Variants in SYNPR observed in about 807,000 individuals in gnomAD.
SYNPR encodes the protein synaptoporin.
SYNPR carries 23 observed loss-of-function variants against 32.9 expected under a neutral mutation model. The observed-to-expected ratio is 0.70, with a 90% CI of 0.50 to 0.99. SYNPR has a LOEUF of 0.99. SYNPR is among the 50% of genes least tolerant of loss of function. The pLI, the probability that SYNPR is intolerant of heterozygous loss-of-function variation, is 0.00. For synonymous variants in SYNPR, 146 were observed against 135.9 expected, an observed-to-expected ratio of 1.07 and a Z score of -0.52; for missense variants, 318 against 349.3, an observed-to-expected ratio of 0.91 and a Z score of 0.71.
chr3:63,321,575 C>T (rs1328484721), intron 2 of SYNPR, among the ~76,000 whole-genome samples: 1 of 152,042 alleles, frequency 6.6e-6, no homozygotes, highest in Admixed American at 6.6e-5. Flanking sequence ...TGGCCAGTTC[C>T]TTAAAAATGG....
At chr3:63,291,955 C>A (rs2086743777) in intron 2 of SYNPR, among the ~76,000 whole-genome samples, 1 of 152,126 alleles carries the variant, frequency 6.6e-6, no homozygotes, top group South Asian at 2.1e-4. Flanking sequence ...AGTGTACTTA[C>A]ACAAACCTAA....
intron 4 of SYNPR, among the ~76,000 whole-genome samples, chr3:63,574,040 T>C (rs569523706): frequency 1.3e-5 from 2 of 152,250 alleles, no homozygotes; most frequent in South Asian, 4.1e-4. Context: ...ATCTAAAATA[T>C]TTATGTGGCT....
chr3:63,323,900 T>G (rs1263257952), intron 2 of SYNPR, among the ~76,000 whole-genome samples: 1 of 152,124 alleles, frequency 6.6e-6, no homozygotes, highest in Non-Finnish European at 1.5e-5. Context: ...TATTTCCATT[T>G]TACTGAGAAG....
intron 2 of SYNPR, among the ~76,000 whole-genome samples, chr3:63,449,112 AG>A (rs1700334247): frequency 6.6e-6 from 1 of 152,206 alleles, no homozygotes; most frequent in Non-Finnish European, 1.5e-5. Flanking sequence ...AGAGGAAAGA[AG>A]GGAAAAAAGC....
intron 4 of SYNPR, among the ~76,000 whole-genome samples, chr3:63,559,736 A>G (rs548563295): frequency 1.5e-4 from 23 of 151,884 alleles, no homozygotes; most frequent in Middle Eastern, 3.4e-3. Context: ...ATTTCAGTTA[A>G]TAGTCTAAAT....
At chr3:63,587,379 C>G (rs1170561006) in intron 4 of SYNPR, among the ~76,000 whole-genome samples, 4 of 152,152 alleles carry the variant, frequency 2.6e-5, no homozygotes, top group Non-Finnish European at 5.9e-5. Context: ...ACTTTAAAAT[C>G]CATCATCAGG....
intron 2 of SYNPR, among the ~76,000 whole-genome samples, chr3:63,400,348 T>G (rs937289193): frequency 6.6e-6 from 1 of 152,212 alleles, no homozygotes; most frequent in Non-Finnish European, 1.5e-5. Context: ...GGGTCTAATA[T>G]GAGTTTTTGC....
At chr3:63,429,857 T>A (rs921978351) in intron 2 of SYNPR, among the ~76,000 whole-genome samples, 1 of 152,346 alleles carries the variant, frequency 6.6e-6, no homozygotes, top group East Asian at 1.9e-4. Flanking sequence ...AAGTGTGCCT[T>A]CTTCTGACAG....
chr3:63,309,697 G>A (rs1216669018), intron 2 of SYNPR, among the ~76,000 whole-genome samples: 3 of 151,846 alleles, frequency 2.0e-5, no homozygotes, highest in African/African-American at 7.3e-5. Context: ...CATCTAATCT[G>A]TTGGGTGGTC....
chr3:63,408,236 A>AG, intron 2 of SYNPR, among the ~76,000 whole-genome samples: 1 of 95,366 alleles, frequency 1.0e-5, no homozygotes, highest in Non-Finnish European at 2.0e-5. Flanking sequence ...AAGGAAAGAA[A>AG]GAAAGAAAGA....
rs566181520 is a variant in SYNPR at position 63,441,198 on chromosome 3, T to C, written c.85-39634T>C. Among the ~76,000 whole-genome samples, 7 of 152,356 alleles carry C rather than the reference T, an allele frequency of 4.6e-5. No homozygotes were observed. In the South Asian group the frequency reaches 1.2e-3, roughly 27 times the overall value. ...GAATAAAAATTGTAACTCGTAGTTT[T>C]GTAAGGCTCAAATAAAATGATATAC... On this transcript the variant is annotated intron_variant, in intron 2 of 5. Coordinates refer to ENST00000478300, the MANE Select transcript of SYNPR (RefSeq NM_001130003.2).
At chr3:63,324,174 C>T (rs758175947) in intron 2 of SYNPR, among the ~76,000 whole-genome samples, 2 of 151,840 alleles carry the variant, frequency 1.3e-5, no homozygotes, top group Non-Finnish European at 2.9e-5. Flanking sequence ...TAACTCAATC[C>T]CTACAACAGT....
At chr3:63,544,745 A>C (rs140500542) in intron 3 of SYNPR, among the ~76,000 whole-genome samples, 3 of 152,234 alleles carry the variant, frequency 2.0e-5, no homozygotes, top group African/African-American at 7.2e-5. Flanking sequence ...CAACTTTAGT[A>C]ATCAGACTTA....
chr3:63,302,259 G>C (rs189632449), intron 2 of SYNPR, among the ~76,000 whole-genome samples: 1 of 151,940 alleles, frequency 6.6e-6, no homozygotes, highest in East Asian at 1.9e-4. Context: ...ATTGTTTCCC[G>C]ATATAAACTA....
chr3:63,407,131 G>A (rs1274455258), intron 2 of SYNPR, among the ~76,000 whole-genome samples: 1 of 152,158 alleles, frequency 6.6e-6, no homozygotes, highest in Non-Finnish European at 1.5e-5. Context: ...GGTGAAATTT[G>A]AACAAAGATA....
chr3:63,210,447 A>G, the SYNPR span, among the ~76,000 whole-genome samples: 2 of 152,142 alleles, frequency 1.3e-5, no homozygotes, highest in South Asian at 4.1e-4. Context: ...CTCCTTTTTG[A>G]TTCTTTTTCC....
intron 2 of SYNPR, among the ~76,000 whole-genome samples, chr3:63,298,082 C>G (rs2086809475): frequency 6.6e-6 from 1 of 152,114 alleles, no homozygotes; most frequent in African/African-American, 2.4e-5. Context: ...TAGCAGAATT[C>G]AGGCCCCTCC....
In SYNPR at chr3:63,615,751, T is replaced by C. The variant is rs1700271110; in HGVS notation, c.*270T>C. On this transcript the variant is annotated 3_prime_UTR_variant, in exon 6 of 6. Transcript: ENST00000478300. ...GATACTTTCATGGTCATTTTGTATG[T>C]ATGTTAAAGTAGTAGAAGTATTTTG... The C allele has an allele frequency of 3.1e-6, 1 of 325,470 alleles. No individual in the cohort carries two copies. Among genetic ancestry groups the C allele is most frequent in the Non-Finnish European group, 5.6e-6 (1 of 179,070 alleles). 20.2% of individuals were successfully genotyped at this position (325,470 alleles called of 1,614,324 possible).
chr3:63,274,794 C>A (rs144715269), upstream of SYNPR, among the ~76,000 whole-genome samples: 562 of 152,302 alleles, frequency 3.7e-3, 2 homozygotes, highest in African/African-American at 0.012. Context: ...GCATCTCTTG[C>A]TTCTGCCCTC....
Sources: allele counts gnomAD v4.1 joint callset (sites outside exome capture counted in the v4.1 genomes callset), GRCh38; gene constraint gnomAD v4.1.1; transcripts MANE v1.5; gene names NCBI Gene and HGNC (gene_info 2026-07-23, HGNC 2026-07-21).